Variants in CSMD1 observed in about 807,000 individuals in gnomAD.
CSMD1 encodes the protein CUB and sushi domain-containing protein 1.
CSMD1 carries 213 observed loss-of-function variants against 417.5 expected under a neutral mutation model. The ratio of observed to expected loss-of-function variants is 0.51; its 90% confidence interval spans 0.46 to 0.57. CSMD1 has a LOEUF of 0.57. CSMD1 is among the 20% of genes least tolerant of loss of function. The pLI, the probability that CSMD1 is intolerant of heterozygous loss-of-function variation, is 0.00. For missense variants in CSMD1, 6,923 were observed against 4,529.7 expected (o/e 1.53, Z -15.17); for synonymous variants, 2,862 against 1,736.8 (o/e 1.65, Z -16.11).
At chr8:4,397,794 T>A (rs1028693878) in intron 3 of CSMD1, among the ~76,000 whole-genome samples, 2 of 152,170 alleles carry the variant, frequency 1.3e-5, no homozygotes, top group East Asian at 3.9e-4. Context: ...TGTATCTCAA[T>A]ATTACATGCT....
intron 5 of CSMD1, among the ~76,000 whole-genome samples, chr8:3,774,974 A>C (rs1260504334): frequency 5.3e-5 from 8 of 152,090 alleles, no homozygotes; most frequent in Admixed American, 2.6e-4. Context: ...ACAGCAATGC[A>C]CTGGACACAG....
Position 3,790,429 on chromosome 8 carries a change from A to G in CSMD1, c.819-36387T>C, listed in dbSNP as rs117569194. 1.8e-4 allele frequency among the ~76,000 whole-genome samples: 28 copies of G among 152,298 alleles called. No homozygotes were observed. The East Asian group carries it at 5.2e-3, about 28-fold the overall frequency. On this transcript the variant is annotated intron_variant, in intron 5 of 69. Transcript: ENST00000635120. ...TAATGACAATGGTGATAACAGTATT[A>G]TAATGATGGTGATGATGACACGGTT...
chr8:3,852,000 G>T (rs1217428971), intron 5 of CSMD1, among the ~76,000 whole-genome samples: 3 of 152,148 alleles, frequency 2.0e-5, no homozygotes, highest in Non-Finnish European at 2.9e-5. Flanking sequence ...GCATGGAGGG[G>T]CTGCAATCAC....
chr8:4,940,271 A>G (rs527948628), intron 1 of CSMD1, among the ~76,000 whole-genome samples: 1 of 152,334 alleles, frequency 6.6e-6, no homozygotes, highest in Admixed American at 6.5e-5. Flanking sequence ...TTAACAGTCC[A>G]TTGAGTGGAA....
chr8:4,703,898 A>G (rs1292615914), intron 1 of CSMD1, among the ~76,000 whole-genome samples: 1 of 152,126 alleles, frequency 6.6e-6, no homozygotes, highest in Non-Finnish European at 1.5e-5. Flanking sequence ...TTGGGATGAA[A>G]CTGTTCCACC....
At chr8:4,735,444 C>G (rs189471757) in intron 1 of CSMD1, among the ~76,000 whole-genome samples, 442 of 152,324 alleles carry the variant, frequency 2.9e-3, no homozygotes, top group African/African-American at 9.9e-3. Context: ...TTACGTAGAT[C>G]TGCAAGTGTT....
intron 9 of CSMD1, among the ~76,000 whole-genome samples, chr8:3,582,134 G>A (rs1015775075): frequency 6.6e-6 from 1 of 152,182 alleles, no homozygotes; most frequent in Non-Finnish European, 1.5e-5. Flanking sequence ...GGTAATGGAA[G>A]AGTGACAAAT....
chr8:2,960,961 T>TATATATATATATACAC (rs1408815262), intron 62 of CSMD1, among the ~76,000 whole-genome samples, 180 bp downstream of exon 62: 2 of 130,866 alleles, frequency 1.5e-5, no homozygotes, highest in East Asian at 2.1e-4. Flanking sequence ...TATATATATA[T>TATATATATATATACAC]ATATACATAT....
chr8:4,100,914 G>A (rs192130853), intron 3 of CSMD1, among the ~76,000 whole-genome samples: 169 of 152,326 alleles, frequency 1.1e-3, no homozygotes, highest in Non-Finnish European at 1.9e-3. Flanking sequence ...AGAAAGTGGT[G>A]TATATGAAGG....
intron 1 of CSMD1, among the ~76,000 whole-genome samples, chr8:4,775,248 G>T (rs984457013): frequency 2.6e-5 from 4 of 152,134 alleles, no homozygotes; most frequent in Non-Finnish European, 5.9e-5. Flanking sequence ...AGAGCTTGAG[G>T]ATGAATCATA....
At chr8:3,013,580 G>A (rs551520879) in intron 52 of CSMD1, among the ~76,000 whole-genome samples, 7 of 151,892 alleles carry the variant, frequency 4.6e-5, no homozygotes, top group Non-Finnish European at 1.0e-4. Flanking sequence ...GTAAAACCCC[G>A]TCTCCACTAA....
chr8:3,488,036 G>A (rs1818157513), intron 11 of CSMD1, among the ~76,000 whole-genome samples: 1 of 147,756 alleles, frequency 6.8e-6, no homozygotes. Flanking sequence ...CTTAGAAGAG[G>A]TGACTTTTTT....
intron 1 of CSMD1, among the ~76,000 whole-genome samples, chr8:4,901,144 G>C (rs1211011444): frequency 6.6e-6 from 1 of 152,312 alleles, no homozygotes; most frequent in Non-Finnish European, 1.5e-5. Flanking sequence ...TGTTCAAAGT[G>C]TCATCTGGGC....
At chr8:3,871,142 T>C (rs956293444) in intron 5 of CSMD1, among the ~76,000 whole-genome samples, 34 of 152,246 alleles carry the variant, frequency 2.2e-4, no homozygotes, top group Non-Finnish European at 4.4e-4. Context: ...AAACAAGTAA[T>C]ACCTCACTCA....
At chr8:3,786,121 G>C (rs6990953) in intron 5 of CSMD1, among the ~76,000 whole-genome samples, 24,413 of 152,078 alleles carry the variant, frequency 0.16, 2,096 homozygotes, top group Middle Eastern at 0.21. Context: ...GAATCAAATA[G>C]AGGTGAGGCT....
At chr8:4,793,882 A>T (rs1797832244) in intron 1 of CSMD1, among the ~76,000 whole-genome samples, 1 of 152,064 alleles carries the variant, frequency 6.6e-6, no homozygotes, top group Non-Finnish European at 1.5e-5. Context: ...TGTTAATAAG[A>T]ATGATCAGGT....
At chr8:3,032,502 T>C (rs915556816) in intron 50 of CSMD1, among the ~76,000 whole-genome samples, 1 of 152,012 alleles carries the variant, frequency 6.6e-6, no homozygotes, top group Non-Finnish European at 1.5e-5. Flanking sequence ...TTTATCTTGG[T>C]CCAATAAAAT....
chr8:4,641,173 G>A (rs984893106), intron 1 of CSMD1, among the ~76,000 whole-genome samples: 3 of 151,528 alleles, frequency 2.0e-5, no homozygotes, highest in Non-Finnish European at 4.4e-5. Flanking sequence ...AAACATACAT[G>A]CAACATTGTG....
At position 4,168,189 on chromosome 8, in the gene CSMD1, G is replaced by A. The variant is rs779333444; in HGVS notation, c.416-136090C>T. On this transcript the variant is annotated intron_variant, in intron 3 of 69. Coordinates refer to ENST00000635120, the MANE Select transcript of CSMD1 (RefSeq NM_033225.6). ...CACACACACACACATACACACACAC[G>A]TATGTATGTATATATACATATACAC... 8.1e-5 allele frequency among the ~76,000 whole-genome samples: 12 copies of A among 148,706 alleles called. 1 individual carries two copies. The highest frequency in any genetic ancestry group is 3.4e-3 in the Middle Eastern group (1 of 290).
Sources: allele counts gnomAD v4.1 joint callset (sites outside exome capture counted in the v4.1 genomes callset), GRCh38; gene constraint gnomAD v4.1.1; transcripts MANE v1.5; gene names NCBI Gene and HGNC (gene_info 2026-07-23, HGNC 2026-07-21).